PLAA: variants seen among roughly 807,000 people sequenced by gnomAD.
PLAA encodes phospholipase A-2-activating protein.
PLAA carries 48 observed loss-of-function variants against 84.1 expected under a neutral mutation model. The observed-to-expected ratio is 0.57, with a 90% confidence interval of 0.45 to 0.73. PLAA has a LOEUF of 0.73. Ranked by LOEUF, PLAA falls within the 30% of genes least tolerant of loss-of-function variation. The probability of loss-of-function intolerance (pLI) is 0.00; values close to 1 mark genes in which losing one functional copy is unlikely to be tolerated. For missense variants in PLAA, 903 were observed against 954.7 expected (o/e 0.95, Z 0.71); for synonymous variants, 392 against 336.6 (o/e 1.16, Z -1.80).
chr9:26,940,382 G>A (rs930876424), intron 1 of PLAA, among the ~76,000 whole-genome samples: 1 of 152,178 alleles, frequency 6.6e-6, no homozygotes, highest in African/African-American at 2.4e-5. Context: ...TGTGCTAAAC[G>A]AAATAAGCCA....
Position 26,905,185 on chromosome 9 carries a change from T to A in PLAA, c.*326A>T, listed in dbSNP as rs12000745. On this transcript the variant is annotated 3_prime_UTR_variant, in exon 14 of 14. Coordinates refer to ENST00000397292, the MANE Select transcript of PLAA (RefSeq NM_001031689.3). ...CAACAGTTTGGTGTACATTAAGTAA[T>A]AAAAGCAAGTTATATGAGTAACAGC... is the stretch of plus-strand genomic sequence containing the variant. 4.4e-4 allele frequency: 108 copies of A among 246,018 alleles called. No homozygotes were observed. Among genetic ancestry groups the A allele is most frequent in the African/African-American group, 2.4e-3 (104 of 44,014 alleles). 15.2% of individuals were successfully genotyped at this position (246,018 alleles called of 1,614,324 possible). A position where few individuals can be genotyped will look rare whatever the true frequency, so the allele number is the denominator to read the frequency against.
In PLAA at chr9:26,934,996, A is replaced by T. The variant is rs964555676; in HGVS notation, c.343+17T>A. ...AAAACTTCAAATAGAAAAACACCAA[A>T]GCATTATTATACTCACCAGTATTTT... On this transcript the variant is annotated intron_variant, in intron 2 of 13. Coordinates refer to ENST00000397292, the MANE Select transcript of PLAA (RefSeq NM_001031689.3). 10 of 1,505,944 alleles carry T rather than the reference A, an allele frequency of 6.6e-6. No individual in the cohort carries two copies. The highest frequency in any genetic ancestry group is 3.4e-4 in the Middle Eastern group (2 of 5,854). The allele number at this position is 1,505,944 out of a possible 1,614,324, so 93.3% of individuals were successfully genotyped here.
intron 12 of PLAA, among the ~76,000 whole-genome samples, chr9:26,909,166 T>A (rs1265023240): frequency 1.3e-5 from 2 of 152,110 alleles, no homozygotes; most frequent in Admixed American, 6.5e-5. Flanking sequence ...CAAATTCCGA[T>A]AATAAGGAAA....
chr9:26,933,072 A>T (rs1379740751), intron 2 of PLAA, among the ~76,000 whole-genome samples: 1 of 152,116 alleles, frequency 6.6e-6, no homozygotes, highest in African/African-American at 2.4e-5. Context: ...GATCGACACC[A>T]TCCTGGCCAA....
At chr9:26,946,814 G>A (rs1825739712) in intron 1 of PLAA, 83 bp downstream of exon 1, 7 of 1,428,410 alleles carry the variant, frequency 4.9e-6, no homozygotes, top group Non-Finnish European at 4.7e-6. Flanking sequence ...AGAGACGGCA[G>A]GACTGACAGG....
Position 26,926,412 on chromosome 9 carries a change from G to C in PLAA, c.714C>G (p.Ser238=). 1 of 1,604,350 alleles carries C rather than the reference G, an allele frequency of 6.2e-7. No homozygotes were observed. Among genetic ancestry groups the C allele is most frequent in the South Asian group, 1.1e-5 (1 of 90,612 alleles). The stretch of plus-strand genomic sequence containing the variant: ...TCTTACCTCTACAATTTGGAAAAAC[G>C]GATATGCTATAAATATAATTTGTAT... ...YGHTNYIYSI[S]VFPNCRDFVT... Residue 238 remains serine (S), a synonymous_variant, in exon 5 of 14, where the codon TCC becomes TCG. Coordinates refer to ENST00000397292, the MANE Select transcript of PLAA (RefSeq NM_001031689.3).
chr9:26,935,503 A>G (rs971379007), intron 1 of PLAA, among the ~76,000 whole-genome samples: 16 of 152,358 alleles, frequency 1.1e-4, no homozygotes, highest in African/African-American at 3.8e-4. Flanking sequence ...CTCAATCTCC[A>G]TCTTCACTTC....
rs1426488816 is a variant in PLAA at position 26,913,948 on chromosome 9, C to T, written c.1487-1G>A. On this transcript the variant is annotated splice_acceptor_variant, in intron 10 of 13. Transcript: ENST00000397292. LOFTEE classifies it high-confidence loss of function. ...GAACCTGGTACATAACGACCAGCAC[C>T]TACAATACAATAATACTCCTAGTAA... is the stretch of plus-strand genomic sequence containing the variant. 5 of 1,606,616 alleles carry T rather than the reference C, an allele frequency of 3.1e-6. 1 individual carries two copies. The Admixed American group carries it at 8.3e-5, about 27-fold the overall frequency.
intron 4 of PLAA, 36 bp downstream of exon 4, chr9:26,928,064 C>A: frequency 6.4e-7 from 1 of 1,569,078 alleles, no homozygotes; most frequent in Non-Finnish European, 8.6e-7. Context: ...AAATAAAAAG[C>A]AATGATATTA....
intron 2 of PLAA, among the ~76,000 whole-genome samples, chr9:26,930,580 GA>G (rs68131244): frequency 8.7e-4 from 122 of 139,726 alleles, no homozygotes; most frequent in Admixed American, 2.1e-3. Context: ...ACATCACTGA[GA>G]TTTTTTTTTT....
rs1264635486 is a variant in PLAA, at chr9:26,903,791, G to A, written c.*1720C>T. ...CATAAAAAAACTTGCACAGTAATAG[G>A]AAGCAGTGTTTACATTTTGCCACCC... On this transcript the variant is annotated 3_prime_UTR_variant, in exon 14 of 14. Coordinates refer to ENST00000397292, the MANE Select transcript of PLAA (RefSeq NM_001031689.3). Among the ~76,000 whole-genome samples, 12 of 152,152 alleles carry A rather than the reference G, an allele frequency of 7.9e-5. No homozygotes were observed. The highest frequency in any genetic ancestry group is 2.9e-4 in the African/African-American group (12 of 41,440).
rs1322527187 is a variant in PLAA, at chr9:26,916,270, G to C, written c.1486+827C>G. On this transcript the variant is annotated intron_variant, in intron 10 of 13. Transcript: ENST00000397292. ...AGGCCAGTGGATACCTAAACGCTATGATCTCTTCCCAAACTGAGTATACTG... is the reference window on the plus strand; with the variant it reads ...AGGCCAGTGGATACCTAAACGCTATCATCTCTTCCCAAACTGAGTATACTG... 5.2e-5 allele frequency: 51 copies of C among 985,236 alleles called. No individual in the cohort carries two copies. In the Admixed American group the frequency reaches 1.2e-3, roughly 24 times the overall value. 61.0% of individuals were successfully genotyped at this position (985,236 alleles called of 1,614,324 possible).
chr9:26,936,878 T>A (rs144310865), intron 1 of PLAA, among the ~76,000 whole-genome samples: 68 of 152,204 alleles, frequency 4.5e-4, no homozygotes, highest in African/African-American at 1.4e-3. Context: ...CAGTGGCTCA[T>A]GCGTGTAATC....
intron 2 of PLAA, among the ~76,000 whole-genome samples, chr9:26,934,781 T>C (rs1053220723): frequency 3.3e-5 from 5 of 152,108 alleles, no homozygotes; most frequent in African/African-American, 9.7e-5. Context: ...TCCCGGCCAA[T>C]AACTGAACAG....
At chr9:26,942,836 G>A (rs1207811365) in intron 1 of PLAA, among the ~76,000 whole-genome samples, 1 of 136,546 alleles carries the variant, frequency 7.3e-6, no homozygotes, top group Non-Finnish European at 1.5e-5. Flanking sequence ...CCGAGACAGC[G>A]CCACTGCACT....
chr9:26,933,924 T>C (rs1206504378), intron 2 of PLAA, among the ~76,000 whole-genome samples: 1 of 151,842 alleles, frequency 6.6e-6, no homozygotes, highest in Non-Finnish European at 1.5e-5. Context: ...TTTTCTCACC[T>C]CAACTTACTG....
chr9:26,935,051 G>C lies in PLAA; in HGVS notation c.305C>G (p.Pro102Arg). ...GCCTTTTAGAATATAAAGTGGCATT[G>C]GACTGTCCAGTGAGAAAATGCATAT... ...HNICIFSLDS[P>R]MPLYILKGHK... The change falls in exon 2 of 14, where the codon CCA becomes CGA. Residue 102 changes from proline (P) to arginine (R), a missense_variant. Coordinates refer to ENST00000397292, the MANE Select transcript of PLAA (RefSeq NM_001031689.3). 2 of 1,607,130 alleles carry C rather than the reference G, an allele frequency of 1.2e-6. No individual in the cohort carries two copies. Among genetic ancestry groups the C allele is most frequent in the Non-Finnish European group, 1.7e-6 (2 of 1,177,648 alleles).
chr9:26,943,907 T>C (rs1554661940), intron 1 of PLAA, among the ~76,000 whole-genome samples: 1 of 152,174 alleles, frequency 6.6e-6, no homozygotes, highest in Non-Finnish European at 1.5e-5. Flanking sequence ...AAGGCAGTGA[T>C]CATGCCATTG....
At chr9:26,931,098 G>A (rs914778339) in intron 2 of PLAA, among the ~76,000 whole-genome samples, 3 of 151,326 alleles carry the variant, frequency 2.0e-5, no homozygotes, top group Admixed American at 6.6e-5. Context: ...TTATAAAAAG[G>A]TGACAGGAGC....
Sources: allele counts gnomAD v4.1 joint callset (sites outside exome capture counted in the v4.1 genomes callset), GRCh38; gene constraint gnomAD v4.1.1; transcripts MANE v1.5; gene names NCBI Gene and HGNC (gene_info 2026-07-23, HGNC 2026-07-21).